Variants in FCRL4 observed in about 807,000 individuals in gnomAD.
FCRL4 encodes Fc receptor-like protein 4.
In FCRL4, 43 loss-of-function variants were observed where a neutral mutation model predicts 64.1. The observed-to-expected ratio is 0.67, with a 90% CI of 0.53 to 0.87. The LOEUF (loss-of-function observed/expected upper bound fraction) is 0.87, where lower values mean the gene tolerates loss of function less well. Ranked by LOEUF, FCRL4 falls within the 40% of genes least tolerant of loss-of-function variation. The pLI is 0.00. For missense variants in FCRL4, 656 were observed against 613.5 expected (o/e 1.07, Z -0.73); for synonymous variants, 253 against 239.8 (o/e 1.05, Z -0.51).
chr1:157,577,721 TTCTCC>T (rs1652445948), intron 10 of FCRL4, among the ~76,000 whole-genome samples: 1 of 152,002 alleles, frequency 6.6e-6, no homozygotes, highest in South Asian at 2.1e-4. Context: ...CTGCAGAGAG[TTCTCC>T]TCAGGTCTTA....
chr1:157,581,129 TCAA>T (rs1285732428), intron 7 of FCRL4, among the ~76,000 whole-genome samples: 1 of 152,198 alleles, frequency 6.6e-6, no homozygotes, highest in Non-Finnish European at 1.5e-5. Flanking sequence ...GCTCTTATTC[TCAA>T]TCATTTCTGC....
intron 4 of FCRL4, 53 bp downstream of exon 4, chr1:157,587,810 TCA>T: frequency 1.3e-6 from 2 of 1,512,326 alleles, no homozygotes; most frequent in East Asian, 4.5e-5. Context: ...CCTTACATGC[TCA>T]GTTTCCTATC....
intron 8 of FCRL4, among the ~76,000 whole-genome samples, chr1:157,579,076 G>A (rs1039504026): frequency 1.1e-4 from 17 of 152,196 alleles, no homozygotes; most frequent in Non-Finnish European, 2.2e-4. Context: ...CAGGCTGCCT[G>A]GAAACAAGGT....
In FCRL4 at chr1:157,575,309, T is replaced by A; in HGVS notation, c.*215A>T. 2 of 575,012 alleles carry A rather than the reference T, an allele frequency of 3.5e-6. No individual in the cohort carries two copies. Among genetic ancestry groups the A allele is most frequent in the South Asian group, 2.0e-5 (1 of 49,484 alleles). The allele number at this position is 575,012 out of a possible 1,614,324, so 35.6% of individuals were successfully genotyped here. ...TACAGGGTCTTCTCTTAACTGTGGATCCTGGTCATTTTAGTGAAGTCTTTC... is the reference window on the plus strand; with the variant it reads ...TACAGGGTCTTCTCTTAACTGTGGAACCTGGTCATTTTAGTGAAGTCTTTC... On this transcript the variant is annotated 3_prime_UTR_variant, in exon 12 of 12. Transcript: ENST00000271532.
intron 8 of FCRL4, among the ~76,000 whole-genome samples, chr1:157,579,107 C>T (rs888929792): frequency 4.6e-5 from 7 of 152,204 alleles, no homozygotes; most frequent in Admixed American, 6.5e-5. Context: ...CTGACATCAT[C>T]GTAACAATCA....
In FCRL4 at chr1:157,574,315, T is replaced by A. The variant is rs1172755487; in HGVS notation, c.*1209A>T. 9.3e-6 allele frequency: 2 copies of A among 214,970 alleles called. No homozygotes were observed. Among genetic ancestry groups the A allele is most frequent in the Non-Finnish European group, 1.9e-5 (2 of 106,460 alleles). The allele number at this position is 214,970 out of a possible 1,614,324, so 13.3% of individuals were successfully genotyped here. ...AATCCCATAATGTTATTTAAACAAA[T>A]TCCTTTTCTCCATGCATTTTCTATA... On this transcript the variant is annotated 3_prime_UTR_variant, in exon 12 of 12. Transcript: ENST00000271532.
chr1:157,585,358 C>G (rs1324055345), intron 6 of FCRL4, among the ~76,000 whole-genome samples: 1 of 83,722 alleles, frequency 1.2e-5, no homozygotes, highest in East Asian at 3.9e-4. Context: ...TTCTTTCTTT[C>G]TTTCTTTCTT....
At chr1:157,588,768 A>G (rs1351724481) in intron 3 of FCRL4, among the ~76,000 whole-genome samples, 1 of 152,200 alleles carries the variant, frequency 6.6e-6, no homozygotes, top group African/African-American at 2.4e-5. Flanking sequence ...AATCAGAGGG[A>G]AAACTAGGAA....
At chr1:157,577,311 T>G (rs1231148758) in intron 10 of FCRL4, among the ~76,000 whole-genome samples, 3 of 152,160 alleles carry the variant, frequency 2.0e-5, no homozygotes, top group Non-Finnish European at 4.4e-5. Context: ...AAAGCCAAAG[T>G]GGACCATAGG....
intron 9 of FCRL4, 22 bp from the exon 10 acceptor site, chr1:157,578,564 A>G: frequency 6.2e-7 from 1 of 1,604,842 alleles, no homozygotes. Flanking sequence ...AGACATTTTC[A>G]AGGCTGTTCC....
In FCRL4 at chr1:157,575,681, T is replaced by G. The variant is rs1314765743; in HGVS notation, c.1461+18A>C. 3 of 1,613,460 alleles carry G rather than the reference T, an allele frequency of 1.9e-6. No homozygotes were observed. Among genetic ancestry groups the G allele is most frequent in the African/African-American group, 2.7e-5 (2 of 74,940 alleles). On this transcript the variant is annotated intron_variant, in intron 11 of 11. Transcript: ENST00000271532. ...GCAGGTAATGGTGGAGATAAAACTG[T>G]GGGGAAATGAAACTCACCTTATCCT...
chr1:157,580,333 C>G lies in FCRL4; in HGVS notation c.1265G>C (p.Gly422Ala), dbSNP rs745472368. Residue 422 changes from glycine (G) to alanine (A), a missense_variant, in exon 8 of 12, where the codon GGA becomes GCA. Physicochemically the swap from Gly to Ala is moderately conservative, Grantham distance 60. Coordinates refer to ENST00000271532, the MANE Select transcript of FCRL4 (RefSeq NM_031282.3). ...ACTGAGGTCTCACCTGGTTTCGTCT[C>G]CCAAGAAACCAACTCCTGCAAAATA... ...RRRKSGVGFL[G>A]DETRLPPAPG... The G allele has an allele frequency of 4.3e-6, 7 of 1,614,122 alleles. No homozygotes were observed. Among genetic ancestry groups the G allele is most frequent in the Admixed American group, 1.7e-5 (1 of 60,022 alleles).
At chr1:157,585,404 TTCTTTC>T (rs1285171050) in intron 6 of FCRL4, among the ~76,000 whole-genome samples, 1 of 140,112 alleles carries the variant, frequency 7.1e-6, no homozygotes, top group African/African-American at 2.8e-5. Context: ...CCTTCTTTCT[TTCTTTC>T]TTTCTTTCTT....
rs375787307 is a variant in FCRL4, at chr1:157,596,307, G to C, written c.52+21C>G. ...TTAGGGTATCTAGAGACATAAAGGA[G>C]CAAAGAAAATAAGGACTTACCAGAT... is the stretch of plus-strand genomic sequence containing the variant. On this transcript the variant is annotated intron_variant, in intron 2 of 11. Coordinates refer to ENST00000271532, the MANE Select transcript of FCRL4 (RefSeq NM_031282.3). 2.4e-5 allele frequency: 38 copies of C among 1,612,256 alleles called. No individual in the cohort carries two copies. In the Admixed American group the frequency reaches 5.8e-4, roughly 25 times the overall value.
intron 9 of FCRL4, 25 bp downstream of exon 9, chr1:157,578,745 C>G: frequency 6.2e-7 from 1 of 1,607,158 alleles, no homozygotes; most frequent in Non-Finnish European, 8.5e-7. Flanking sequence ...AGGCCAGGAA[C>G]AGCTTCCTAG....
At chr1:157,580,543 C>T (rs920984905) in intron 7 of FCRL4, 195 bp from the exon 8 acceptor site, 3 of 592,752 alleles carry the variant, frequency 5.1e-6, no homozygotes, top group Non-Finnish European at 9.1e-6. Context: ...GGACTGCACA[C>T]TCCTGAGTTA....
chr1:157,582,815 C>T (rs1051320781), intron 6 of FCRL4, among the ~76,000 whole-genome samples: 5 of 152,122 alleles, frequency 3.3e-5, no homozygotes, highest in Admixed American at 6.5e-5. Context: ...TGAAAGAGTA[C>T]GGTGGAGAGC....
intron 5 of FCRL4, among the ~76,000 whole-genome samples, chr1:157,586,925 G>A (rs1010975466): frequency 4.6e-5 from 7 of 152,216 alleles, no homozygotes; most frequent in Non-Finnish European, 8.8e-5. Flanking sequence ...AAAGGTGGAT[G>A]CTTGTCTTCT....
At position 157,574,123 on chromosome 1, in the gene FCRL4, CT is replaced by C. The variant is rs533608871; in HGVS notation, c.*1400del. ...CTGTCACCTTAAATATTCGTCTTTT[CT>C]TTATGTTGAAAATATTCTAATTACT... On this transcript the variant is annotated 3_prime_UTR_variant, in exon 12 of 12. Coordinates refer to ENST00000271532, the MANE Select transcript of FCRL4 (RefSeq NM_031282.3). 61 of 218,946 alleles carry C rather than the reference CT, an allele frequency of 2.8e-4. No individual in the cohort carries two copies. Among genetic ancestry groups the C allele is most frequent in the African/African-American group, 1.0e-3 (45 of 44,666 alleles). The allele number at this position is 218,946 out of a possible 1,614,324, so 13.6% of individuals were successfully genotyped here. A position where few individuals can be genotyped will look rare whatever the true frequency, so the allele number is the denominator to read the frequency against.
Sources: allele counts gnomAD v4.1 joint callset (sites outside exome capture counted in the v4.1 genomes callset), GRCh38; gene constraint gnomAD v4.1.1; transcripts MANE v1.5; gene names NCBI Gene and HGNC (gene_info 2026-07-23, HGNC 2026-07-21).